Variants in MMP16 observed in about 807,000 individuals in gnomAD.
MMP16 encodes matrix metallopeptidase 16, also known as matrix metalloproteinase-16.
Under a neutral mutation model 67.8 loss-of-function variants are expected in MMP16, and 12 were observed. The ratio of observed to expected loss-of-function variants is 0.18; its 90% CI spans 0.11 to 0.29. The LOEUF (loss-of-function observed/expected upper bound fraction) is 0.29. MMP16 is among the 10% of genes least tolerant of loss of function. The pLI is 1.00. For synonymous variants in MMP16, 249 were observed against 255.9 expected, an observed-to-expected ratio of 0.97 and a Z score of 0.26; for missense variants, 475 against 765.7, an observed-to-expected ratio of 0.62 and a Z score of 4.48.
intron 1 of MMP16, among the ~76,000 whole-genome samples, chr8:88,284,743 C>G (rs1426407602): frequency 1.3e-5 from 2 of 152,048 alleles, no homozygotes; most frequent in Admixed American, 1.3e-4. Flanking sequence ...CTTCCTAAAA[C>G]AATTCCACTT....
At chr8:88,111,028 A>G (rs1210302076) in intron 6 of MMP16, among the ~76,000 whole-genome samples, 1 of 151,652 alleles carries the variant, frequency 6.6e-6, no homozygotes, top group Non-Finnish European at 1.5e-5. Context: ...ATAGAATCAG[A>G]TAGCTACAGT....
At chr8:88,145,108 A>G (rs2118511042) in intron 4 of MMP16, among the ~76,000 whole-genome samples, 2 of 152,086 alleles carry the variant, frequency 1.3e-5, no homozygotes, top group South Asian at 4.1e-4. Context: ...CATGTCAGTT[A>G]ATGATGGGGA....
At chr8:88,306,203 T>G (rs1489228680) in intron 1 of MMP16, among the ~76,000 whole-genome samples, 2 of 152,102 alleles carry the variant, frequency 1.3e-5, no homozygotes, top group Admixed American at 6.6e-5. Context: ...GATAAATTCC[T>G]GGATGCATAC....
At chr8:88,179,226 T>C (rs1356892904) in intron 3 of MMP16, among the ~76,000 whole-genome samples, 1 of 151,998 alleles carries the variant, frequency 6.6e-6, no homozygotes, top group Non-Finnish European at 1.5e-5. Flanking sequence ...AAATACCTTA[T>C]CTGTAGATGA....
intron 1 of MMP16, among the ~76,000 whole-genome samples, chr8:88,252,264 T>A (rs1030395621): frequency 1.3e-5 from 2 of 152,200 alleles, no homozygotes; most frequent in African/African-American, 4.8e-5. Flanking sequence ...CTAGTCTTTA[T>A]GACCCTCTGA....
intron 2 of MMP16, among the ~76,000 whole-genome samples, chr8:88,191,672 C>T (rs182206375): frequency 3.9e-5 from 6 of 152,278 alleles, no homozygotes; most frequent in Non-Finnish European, 7.3e-5. Context: ...CACACACAGA[C>T]ACACACACAT....
At chr8:88,257,950 G>A (rs1810329040) in intron 1 of MMP16, among the ~76,000 whole-genome samples, 1 of 152,076 alleles carries the variant, frequency 6.6e-6, no homozygotes, top group African/African-American at 2.4e-5. Context: ...AGGAACAGAA[G>A]GGTAGGCTAA....
At chr8:88,095,920 A>G (rs957616230) in intron 6 of MMP16, among the ~76,000 whole-genome samples, 4 of 151,984 alleles carry the variant, frequency 2.6e-5, no homozygotes, top group Non-Finnish European at 4.4e-5. Context: ...AAGAAAGCCA[A>G]CTGTAACTTG....
intron 4 of MMP16, among the ~76,000 whole-genome samples, chr8:88,121,865 C>A (rs1463756248): frequency 1.3e-5 from 2 of 152,036 alleles, no homozygotes; most frequent in Non-Finnish European, 2.9e-5. Context: ...AGTTCCTTCA[C>A]CCTTCCATGC....
At chr8:88,285,048 T>C (rs1398733051) in intron 1 of MMP16, among the ~76,000 whole-genome samples, 1 of 152,214 alleles carries the variant, frequency 6.6e-6, no homozygotes, top group Non-Finnish European at 1.5e-5. Context: ...GCATATGTTC[T>C]TGTTGTACCT....
intron 4 of MMP16, among the ~76,000 whole-genome samples, chr8:88,158,276 A>G (rs1301478416): frequency 6.6e-6 from 1 of 152,174 alleles, no homozygotes; most frequent in Non-Finnish European, 1.5e-5. Flanking sequence ...GAACTAGTTT[A>G]CACTCCCACC....
At chr8:88,318,489 G>T (rs1339886735) in intron 1 of MMP16, among the ~76,000 whole-genome samples, 1 of 152,026 alleles carries the variant, frequency 6.6e-6, no homozygotes, top group Non-Finnish European at 1.5e-5. Flanking sequence ...ATTTTAGTTT[G>T]GAATACAAAC....
At chr8:88,312,828 T>C (rs541555277) in intron 1 of MMP16, among the ~76,000 whole-genome samples, 1 of 151,996 alleles carries the variant, frequency 6.6e-6, no homozygotes, top group East Asian at 1.9e-4. Context: ...ATTAGCTGGG[T>C]GTGGTGGTGC....
At chr8:88,235,302 G>A (rs574022231) in intron 1 of MMP16, among the ~76,000 whole-genome samples, 1 of 149,678 alleles carries the variant, frequency 6.7e-6, no homozygotes, top group South Asian at 2.1e-4. Flanking sequence ...AGAGGCAGGA[G>A]AATCGCTTGA....
chr8:88,041,712 TG>T lies in MMP16; in HGVS notation c.1572del (p.Ile525SerfsTer25). ...TCACAGCCCATAAAATCCTTGAGGA[TG>T]GATCTTGGATATCCAGGTTCTACCT... ...ILKVEPGYPR[S>X]ILKDFMGCDG... On this transcript the variant is annotated frameshift_variant, in exon 10 of 10. Coordinates refer to ENST00000286614, the MANE Select transcript of MMP16 (RefSeq NM_005941.5). LOFTEE classifies it high-confidence loss of function. The surrounding 1 kb of genome is among the most constrained non-coding windows in gnomAD (Gnocchi z 6.0). 1 of 1,614,024 alleles carries T rather than the reference TG, an allele frequency of 6.2e-7. No homozygotes were observed. Among genetic ancestry groups the T allele is most frequent in the Non-Finnish European group, 8.5e-7 (1 of 1,179,988 alleles).
intron 6 of MMP16, among the ~76,000 whole-genome samples, chr8:88,084,001 A>T (rs1808794643): frequency 6.6e-6 from 1 of 152,030 alleles, no homozygotes; most frequent in South Asian, 2.1e-4. Flanking sequence ...CTTTTCCCCC[A>T]ATGGTAACGC....
At chr8:88,129,814 A>G (rs1013434676) in intron 4 of MMP16, among the ~76,000 whole-genome samples, 10 of 151,592 alleles carry the variant, frequency 6.6e-5, no homozygotes, top group Non-Finnish European at 1.2e-4. Flanking sequence ...TATATGTATA[A>G]AAATTCATAG....
intron 1 of MMP16, among the ~76,000 whole-genome samples, chr8:88,264,652 G>T: frequency 6.6e-6 from 1 of 152,154 alleles, no homozygotes; most frequent in East Asian, 1.9e-4. Context: ...CCTCAGAAAT[G>T]ATCATTTGAA....
intron 7 of MMP16, among the ~76,000 whole-genome samples, chr8:88,067,130 T>C (rs1311007953): frequency 1.3e-5 from 2 of 152,060 alleles, no homozygotes; most frequent in Non-Finnish European, 2.9e-5. Context: ...CTTTCTACTA[T>C]TGTCTAATTA....
Sources: allele counts gnomAD v4.1 joint callset (sites outside exome capture counted in the v4.1 genomes callset), GRCh38; gene constraint gnomAD v4.1.1; non-coding constraint Gnocchi (gnomAD v3.1); transcripts MANE v1.5; gene names NCBI Gene and HGNC (gene_info 2026-07-23, HGNC 2026-07-21).